PHKB: variants seen among roughly 807,000 people sequenced by gnomAD.
PHKB encodes the protein phosphorylase b kinase regulatory subunit beta.
Under a neutral mutation model 152.1 loss-of-function variants are expected in PHKB, and 122 were observed. That is an observed-to-expected ratio of 0.80 (90% CI 0.69 to 0.93). PHKB has a LOEUF of 0.93. Ranked by LOEUF, PHKB falls within the 40% of genes least tolerant of loss-of-function variation. PHKB has a pLI of 0.00. For missense variants in PHKB, 1,304 were observed against 1,328.4 expected (o/e 0.98, Z 0.29); for synonymous variants, 436 against 464.9 (o/e 0.94, Z 0.80).
chr16:47,637,614 T>C (rs1730080725), intron 14 of PHKB, among the ~76,000 whole-genome samples: 1 of 152,152 alleles, frequency 6.6e-6, no homozygotes, highest in African/African-American at 2.4e-5. Flanking sequence ...AGAATGAATA[T>C]GTGACCATAG....
chr16:47,546,380 A>T (rs1971164790), intron 6 of PHKB, among the ~76,000 whole-genome samples: 1 of 152,010 alleles, frequency 6.6e-6, no homozygotes, highest in South Asian at 2.1e-4. Flanking sequence ...CTGGAGGTCC[A>T]CTCCAGACCC....
intron 2 of PHKB, among the ~76,000 whole-genome samples, chr16:47,498,162 G>C (rs1232368910): frequency 1.3e-5 from 2 of 151,932 alleles, no homozygotes; most frequent in African/African-American, 2.4e-5. Context: ...TGGATTTTTT[G>C]GTCTATTTCA....
chr16:47,531,803 G>A (rs1294977849), intron 6 of PHKB, among the ~76,000 whole-genome samples: 1 of 152,156 alleles, frequency 6.6e-6, no homozygotes, highest in African/African-American at 2.4e-5. Context: ...CACAATCTGA[G>A]AACTACTATT....
At chr16:47,550,340 A>G (rs1284743362) in intron 7 of PHKB, among the ~76,000 whole-genome samples, 3 of 152,202 alleles carry the variant, frequency 2.0e-5, no homozygotes, top group Admixed American at 6.6e-5. Context: ...CCCCAGATCT[A>G]TTTGGGATTA....
intron 16 of PHKB, among the ~76,000 whole-genome samples, chr16:47,648,134 T>G (rs1419005673): frequency 1.3e-5 from 2 of 152,206 alleles, no homozygotes; most frequent in Non-Finnish European, 1.5e-5. Context: ...ATTTTCATTT[T>G]GGTGGGAAAT....
chr16:47,549,721 C>T (rs1050329139), intron 7 of PHKB, among the ~76,000 whole-genome samples: 2 of 151,950 alleles, frequency 1.3e-5, no homozygotes, highest in Non-Finnish European at 2.9e-5. Context: ...AAATGCTAAC[C>T]TGTAGTAAAC....
chr16:47,662,810 A>G (rs1973466880), intron 23 of PHKB, among the ~76,000 whole-genome samples: 1 of 152,194 alleles, frequency 6.6e-6, no homozygotes, highest in Non-Finnish European at 1.5e-5. Flanking sequence ...CTAAAACAGT[A>G]GGATTTTTAA....
intron 6 of PHKB, among the ~76,000 whole-genome samples, chr16:47,519,710 A>C (rs2151654646): frequency 6.6e-6 from 1 of 152,300 alleles, no homozygotes; most frequent in African/African-American, 2.4e-5. Flanking sequence ...TTATTACACA[A>C]GTCATCCCTA....
chr16:47,534,744 C>G (rs1384706468), intron 6 of PHKB, among the ~76,000 whole-genome samples: 1 of 152,156 alleles, frequency 6.6e-6, no homozygotes, highest in East Asian at 1.9e-4. Flanking sequence ...TTACCACCAG[C>G]AAGAAGATAC....
rs547285484 is a variant in PHKB at position 47,613,276 on chromosome 16, A to C, written c.1458+2356A>C. Reference sequence around the variant, plus strand: ...CATGGGGCAAGTCCTGAGGAACCTCAGCACAGGCTTCCAAGTGTCTTCTTC... The same window carrying C: ...CATGGGGCAAGTCCTGAGGAACCTCCGCACAGGCTTCCAAGTGTCTTCTTC... On this transcript the variant is annotated intron_variant, in intron 14 of 30. Transcript: ENST00000323584. Among the ~76,000 whole-genome samples the C allele has an allele frequency of 7.9e-5, 12 of 152,344 alleles. No homozygotes were observed. The South Asian group carries it at 2.5e-3, about 32-fold the overall frequency.
At chr16:47,465,676 G>A (rs1440120797) in intron 1 of PHKB, among the ~76,000 whole-genome samples, 7 of 152,124 alleles carry the variant, frequency 4.6e-5, no homozygotes, top group Non-Finnish European at 1.0e-4. Flanking sequence ...ATACCTGCTG[G>A]TGTTAGGCTT....
intron 6 of PHKB, among the ~76,000 whole-genome samples, chr16:47,533,918 C>G (rs780557785): frequency 9.2e-5 from 14 of 152,244 alleles, no homozygotes; most frequent in Middle Eastern, 3.4e-3. Flanking sequence ...CCTGCCTGCT[C>G]TGTGGAGCAG....
chr16:47,600,954 G>A (rs890666540), intron 13 of PHKB, among the ~76,000 whole-genome samples: 9 of 152,144 alleles, frequency 5.9e-5, no homozygotes, highest in Admixed American at 1.3e-4. Context: ...GACTAGCCTC[G>A]CTAGTAGATG....
intron 1 of PHKB, among the ~76,000 whole-genome samples, chr16:47,492,818 A>G (rs1970172337): frequency 6.6e-6 from 1 of 152,198 alleles, no homozygotes; most frequent in African/African-American, 2.4e-5. Context: ...TTTGGTTTGC[A>G]TCTCACTCAC....
At chr16:47,578,794 G>A (rs1231870704) in intron 7 of PHKB, among the ~76,000 whole-genome samples, 1 of 152,196 alleles carries the variant, frequency 6.6e-6, no homozygotes, top group African/African-American at 2.4e-5. Context: ...ACTCAGGAAT[G>A]TAGAAGTCTC....
intron 13 of PHKB, among the ~76,000 whole-genome samples, chr16:47,597,418 A>G (rs1972140046): frequency 6.6e-6 from 1 of 152,172 alleles, no homozygotes; most frequent in African/African-American, 2.4e-5. Context: ...TTTACATAAA[A>G]TGATATGTAA....
chr16:47,474,490 C>T (rs921928243), intron 1 of PHKB, among the ~76,000 whole-genome samples: 1 of 152,144 alleles, frequency 6.6e-6, no homozygotes, highest in African/African-American at 2.4e-5. Context: ...TGAAAATATA[C>T]TCATCAGGTG....
chr16:47,557,233 C>T (rs1971389602), intron 7 of PHKB, among the ~76,000 whole-genome samples: 1 of 152,202 alleles, frequency 6.6e-6, no homozygotes, highest in Non-Finnish European at 1.5e-5. Context: ...AAAATTAATT[C>T]AAGATGGATT....
At chr16:47,515,472 C>T in intron 5 of PHKB, 49 bp from the exon 6 acceptor site, 1 of 846,214 alleles carries the variant, frequency 1.2e-6, no homozygotes, top group South Asian at 1.3e-5. Context: ...AATTTTATAA[C>T]TTGTTTTGGT....
Sources: gnomAD v4.1 joint callset for allele counts (sites outside exome capture counted in the v4.1 genomes callset) on GRCh38, gnomAD v4.1.1 for gene constraint, MANE v1.5 for transcripts, NCBI Gene and HGNC (gene_info 2026-07-23, HGNC 2026-07-21) for gene names.